MORN5: variants seen among roughly 807,000 people sequenced by gnomAD.
MORN5 encodes the protein MORN repeat containing 5.
MORN5 carries 21 observed loss-of-function variants against 22.1 expected under a neutral mutation model. That is an observed-to-expected ratio of 0.95 (90% CI 0.67 to 1.37). MORN5 has a LOEUF of 1.37. Among genes scored for constraint, MORN5 ranks in the 40% most tolerant of loss-of-function variants. The pLI, the probability that MORN5 is intolerant of heterozygous loss-of-function variation, is 0.00. For synonymous variants in MORN5, 73 were observed against 74.0 expected (o/e 0.99, Z 0.07); for missense variants, 211 against 215.1 (o/e 0.98, Z 0.12).
chr9:122,170,804 G>C (rs1829354550), intron 3 of MORN5, among the ~76,000 whole-genome samples: 1 of 152,158 alleles, frequency 6.6e-6, no homozygotes, highest in Non-Finnish European at 1.5e-5. Flanking sequence ...AAAATTTTGA[G>C]ACGTGTTCCA....
intron 2 of MORN5, among the ~76,000 whole-genome samples, chr9:122,168,517 G>A (rs1255462983): frequency 1.3e-5 from 2 of 152,190 alleles, no homozygotes. Flanking sequence ...AGCTTGGAGA[G>A]TCTAAGCCCC....
chr9:122,167,132 C>G (rs1169464466), intron 2 of MORN5, among the ~76,000 whole-genome samples: 1 of 150,976 alleles, frequency 6.6e-6, no homozygotes, highest in East Asian at 1.9e-4. Flanking sequence ...ACTGCAACCT[C>G]CGCCTCCTGG....
At chr9:122,192,131 C>T (rs951813859) in intron 4 of MORN5, among the ~76,000 whole-genome samples, 2 of 152,218 alleles carry the variant, frequency 1.3e-5, no homozygotes, top group African/African-American at 4.8e-5. Flanking sequence ...AATCACCCAG[C>T]GAGTCGGTGG....
rs551048013 is a variant in MORN5 at position 122,196,034 on chromosome 9, C to T, written c.440-3851C>T. 2.4e-4 allele frequency among the ~76,000 whole-genome samples: 37 copies of T among 151,216 alleles called. 1 individual carries two copies. Among genetic ancestry groups the T allele is most frequent in the East Asian group, 1.8e-3 (9 of 5,128 alleles). ...TGTCACCCAGGCAATCACAGCTCACCGCAGCCTCAACCACCCCAGGCTCAG... is the reference window on the plus strand; with the variant it reads ...TGTCACCCAGGCAATCACAGCTCACTGCAGCCTCAACCACCCCAGGCTCAG... On this transcript the variant is annotated intron_variant, in intron 4 of 4. Coordinates refer to ENST00000373764, the MANE Select transcript of MORN5 (RefSeq NM_198469.4).
chr9:122,166,069 CA>C (rs1428105159), intron 1 of MORN5, among the ~76,000 whole-genome samples: 2 of 152,058 alleles, frequency 1.3e-5, no homozygotes, highest in Non-Finnish European at 2.9e-5. Flanking sequence ...TGGCAGCAGG[CA>C]AGAGAGCATG....
At chr9:122,164,912 A>C (rs1043965502) in intron 1 of MORN5, among the ~76,000 whole-genome samples, 7 of 152,204 alleles carry the variant, frequency 4.6e-5, no homozygotes, top group African/African-American at 1.7e-4. Context: ...CTGTTCACTG[A>C]CTACTCTTTC....
At chr9:122,185,167 T>C (rs1829598749) in intron 4 of MORN5, among the ~76,000 whole-genome samples, 1 of 152,052 alleles carries the variant, frequency 6.6e-6, no homozygotes. Context: ...GCCATTCTCC[T>C]GCCTCAGCCT....
chr9:122,172,682 C>A (rs1240808785), intron 3 of MORN5, among the ~76,000 whole-genome samples: 2 of 152,120 alleles, frequency 1.3e-5, no homozygotes, highest in African/African-American at 4.8e-5. Context: ...GTGTTCAGCT[C>A]GTCTTCCCAA....
rs115940004 is a variant in MORN5 at position 122,170,018 on chromosome 9, G to A, written c.307+262G>A. 3.5e-3 allele frequency among the ~76,000 whole-genome samples: 539 copies of A among 152,322 alleles called. 3 individuals carry two copies. The highest frequency in any genetic ancestry group is 0.012 in the African/African-American group (519 of 41,564). ...CTCCCCTTCAAAATGGAGTCAATCA[G>A]CTGGGCGTGGTGACTATGCCTGTAA... is the stretch of plus-strand genomic sequence containing the variant. On this transcript the variant is annotated intron_variant, in intron 3 of 4. Transcript: ENST00000373764.
At chr9:122,175,419 C>T (rs1031499199) in intron 4 of MORN5, 1 of 966,678 alleles carries the variant, frequency 1.0e-6, no homozygotes, top group African/African-American at 1.8e-5. Context: ...CTGAGAAGAA[C>T]CCATTTACAG....
At chr9:122,195,806 C>T (rs930964807) in intron 4 of MORN5, among the ~76,000 whole-genome samples, 20 of 152,092 alleles carry the variant, frequency 1.3e-4, no homozygotes, top group African/African-American at 4.3e-4. Flanking sequence ...TTTGCTGCAA[C>T]GCTTTGAGGG....
intron 4 of MORN5, among the ~76,000 whole-genome samples, chr9:122,187,420 G>A (rs1347741044): frequency 6.6e-6 from 1 of 152,192 alleles, no homozygotes; most frequent in African/African-American, 2.4e-5. Context: ...TGCACCTAGA[G>A]CCTTAGGCCC....
At chr9:122,180,282 CTTTTTTTT>C (rs938997436) in intron 4 of MORN5, among the ~76,000 whole-genome samples, 1 of 107,512 alleles carries the variant, frequency 9.3e-6, no homozygotes, top group East Asian at 2.4e-4. Flanking sequence ...ACATTTTCTT[CTTTTTTTT>C]TTTTTTTTTT....
At chr9:122,194,730 A>G (rs369459912) in intron 4 of MORN5, among the ~76,000 whole-genome samples, 1 of 152,136 alleles carries the variant, frequency 6.6e-6, no homozygotes, top group Non-Finnish European at 1.5e-5. Flanking sequence ...TATATAAAAA[A>G]ATATGCAAGC....
At position 122,197,696 on chromosome 9, in the gene MORN5, C is replaced by T. The variant is rs1829925126; in HGVS notation, c.440-2189C>T. 1.3e-5 allele frequency among the ~76,000 whole-genome samples: 2 copies of T among 152,218 alleles called. No individual in the cohort carries two copies. Among genetic ancestry groups the T allele is most frequent in the African/African-American group, 4.8e-5 (2 of 41,456 alleles). ...GCCTGAGGACTGGTTCAGCACAATACACCCAGTTTGTCTGGTTTCAGGGGT... is the reference window on the plus strand; with the variant it reads ...GCCTGAGGACTGGTTCAGCACAATATACCCAGTTTGTCTGGTTTCAGGGGT... On this transcript the variant is annotated intron_variant, in intron 4 of 4. Coordinates refer to ENST00000373764, the MANE Select transcript of MORN5 (RefSeq NM_198469.4). This position sits in a 1 kb window ranked among gnomAD's most constrained non-coding sequence, Gnocchi z 5.7.
intron 4 of MORN5, 49 bp from the exon 5 acceptor site, chr9:122,199,836 A>G (rs1279710167): frequency 1.9e-6 from 3 of 1,605,282 alleles, no homozygotes; most frequent in Non-Finnish European, 2.6e-6. Flanking sequence ...AGGCCAGGAA[A>G]GGTCCCAGCG....
At chr9:122,183,005 A>G (rs941065998) in intron 4 of MORN5, among the ~76,000 whole-genome samples, 17 of 152,146 alleles carry the variant, frequency 1.1e-4, no homozygotes, top group Admixed American at 9.2e-4. Context: ...AGATAGGGGC[A>G]TGTCTGATTT....
chr9:122,175,237 C>T (rs1175083157), intron 4 of MORN5, among the ~76,000 whole-genome samples: 1 of 152,104 alleles, frequency 6.6e-6, no homozygotes, highest in Non-Finnish European at 1.5e-5. Flanking sequence ...TGGGAGTTGA[C>T]CACAAGGCCT....
intron 3 of MORN5, among the ~76,000 whole-genome samples, chr9:122,171,157 T>C (rs982425345): frequency 6.6e-5 from 10 of 152,138 alleles, no homozygotes; most frequent in African/African-American, 2.4e-4. Flanking sequence ...AAATTGTGGG[T>C]TTGAGTCCTA....
Sources: allele counts gnomAD v4.1 joint callset (sites outside exome capture counted in the v4.1 genomes callset), GRCh38; gene constraint gnomAD v4.1.1; non-coding constraint Gnocchi (gnomAD v3.1); transcripts MANE v1.5; gene names NCBI Gene and HGNC (gene_info 2026-07-23, HGNC 2026-07-21).